COPB1: variants seen among roughly 807,000 people sequenced by gnomAD.
COPB1 encodes coat protein complex I subunit beta 1, also known as coatomer subunit beta.
In COPB1, 21 loss-of-function variants were observed where a neutral mutation model predicts 108.7. The ratio of observed to expected loss-of-function variants is 0.19; its 90% CI spans 0.14 to 0.28. The LOEUF is 0.28. Among genes scored for constraint, COPB1 ranks in the 10% least tolerant of loss-of-function variants. The pLI, the probability that COPB1 is intolerant of heterozygous loss-of-function variation, is 1.00. For missense variants in COPB1, 919 were observed against 1,141.3 expected (o/e 0.81, Z 2.81); for synonymous variants, 378 against 386.8 (o/e 0.98, Z 0.27).
chr11:14,461,616 G>T (rs1354727994), intron 18 of COPB1, among the ~76,000 whole-genome samples: 2 of 152,164 alleles, frequency 1.3e-5, no homozygotes. Flanking sequence ...GTGGGGATAG[G>T]ATTCGAACTC....
At chr11:14,464,262 C>G (rs573668698) in intron 18 of COPB1, among the ~76,000 whole-genome samples, 2 of 152,250 alleles carry the variant, frequency 1.3e-5, no homozygotes, top group African/African-American at 4.8e-5. Flanking sequence ...CAATCCCCCA[C>G]CACTCTGAGA....
chr11:14,461,689 T>C (rs945963336), intron 18 of COPB1, among the ~76,000 whole-genome samples: 1 of 152,222 alleles, frequency 6.6e-6, no homozygotes. Flanking sequence ...TACATAGCAG[T>C]TGCAGCATAC....
chr11:14,467,957 T>C (rs1850319857), intron 16 of COPB1, among the ~76,000 whole-genome samples: 1 of 152,302 alleles, frequency 6.6e-6, no homozygotes, highest in East Asian at 1.9e-4. Context: ...ATGAAAACAG[T>C]CCTGGAGATG....
intron 4 of COPB1, 87 bp downstream of exon 4, chr11:14,493,555 C>G: frequency 9.1e-7 from 1 of 1,097,040 alleles, no homozygotes; most frequent in Non-Finnish European, 1.3e-6. Context: ...AAGCTATATT[C>G]AGTCTGCAAG....
Position 14,465,007 on chromosome 11 carries a change from G to A in COPB1, c.2314C>T (p.Pro772Ser). Residue 772 changes from proline (P) to serine (S), a missense_variant, in exon 18 of 22, where the codon CCG becomes TCG. By Grantham distance (74) the Pro-to-Ser change is moderately conservative (BLOSUM62 -1). Coordinates refer to ENST00000439561, the MANE Select transcript of COPB1 (RefSeq NM_001144061.2). The part of the protein sequence containing the change: ...TLGDLKLVEK[P>S]SPLTLAPHDF... Reference sequence around the variant, plus strand: ...TGAGGAGCAAGAGTCAAAGGAGACGGCTTTTCCACAAGTTTCAGATCCCCT... The same window carrying A: ...TGAGGAGCAAGAGTCAAAGGAGACGACTTTTCCACAAGTTTCAGATCCCCT... 6.2e-7 allele frequency: 1 copy of A among 1,610,432 alleles called. No individual in the cohort carries two copies. The highest frequency in any genetic ancestry group is 8.5e-7 in the Non-Finnish European group (1 of 1,178,336).
intron 16 of COPB1, among the ~76,000 whole-genome samples, chr11:14,466,895 A>G (rs528360023): frequency 9.2e-5 from 14 of 152,296 alleles, no homozygotes; most frequent in African/African-American, 3.4e-4. Flanking sequence ...CTGAGGCACT[A>G]AACAGATTAT....
chr11:14,478,582 T>C (rs754468833), intron 11 of COPB1, among the ~76,000 whole-genome samples: 11 of 151,080 alleles, frequency 7.3e-5, no homozygotes, highest in Non-Finnish European at 1.3e-4. Flanking sequence ...AGTAAAAAAA[T>C]AATAGTAAAG....
chr11:14,481,977 A>G (rs1395703365), intron 8 of COPB1, among the ~76,000 whole-genome samples: 1 of 152,070 alleles, frequency 6.6e-6, no homozygotes, highest in African/African-American at 2.4e-5. Context: ...TAATGGAGAC[A>G]GGGAGGGTTT....
chr11:14,498,866 T>G lies in COPB1; in HGVS notation c.63A>C (p.Pro21=). 1 of 1,608,302 alleles carries G rather than the reference T, an allele frequency of 6.2e-7. No homozygotes were observed. ...GATCATTTTTTAAGCTAATTTCAGA[T>G]GGTGGTTCTGAATCCATTGGCACGT... ...LINVPMDSEP[P]SEISLKNDLE... is the part of the protein sequence containing the mutation. The change falls in exon 2 of 22, where the codon CCA becomes CCC. Residue 21 remains proline (P), a synonymous_variant. Coordinates refer to ENST00000439561, the MANE Select transcript of COPB1 (RefSeq NM_001144061.2).
At chr11:14,474,715 C>T in intron 13 of COPB1, 100 bp from the exon 14 acceptor site, 4 of 1,474,806 alleles carry the variant, frequency 2.7e-6, no homozygotes, top group Non-Finnish European at 3.6e-6. Flanking sequence ...CTCTTATTAC[C>T]ATCCTTCAGT....
intron 7 of COPB1, 94 bp from the exon 8 acceptor site, chr11:14,483,245 CACA>C: frequency 1.5e-6 from 1 of 669,950 alleles, no homozygotes; most frequent in Non-Finnish European, 2.3e-6. Context: ...CACACACACA[CACA>C]CACACACACA....
chr11:14,481,024 G>C lies in COPB1; in HGVS notation c.1031C>G (p.Ala344Gly). Residue 344 changes from alanine (A) to glycine (G), a missense_variant, in exon 9 of 22, where the codon GCA (alanine) becomes GGA (glycine). This residue lies in a region of COPB1 where 705 missense variants were observed against 817.8 expected (regional missense o/e 0.86). Coordinates refer to ENST00000439561, the MANE Select transcript of COPB1 (RefSeq NM_001144061.2). ...ATTTCTAGAAGAGACAAGATCCAGTGCTAACTGCAGAGTTTTCTTTCGTAC... is the reference window on the plus strand; with the variant it reads ...ATTTCTAGAAGAGACAAGATCCAGTCCTAACTGCAGAGTTTTCTTTCGTAC... ...LEVRKKTLQLALDLVSSRNVE... is the reference protein window; with the variant it reads ...LEVRKKTLQLGLDLVSSRNVE... 6.2e-7 allele frequency: 1 copy of C among 1,613,960 alleles called. No individual in the cohort carries two copies. Among genetic ancestry groups the C allele is most frequent in the Non-Finnish European group, 8.5e-7 (1 of 1,179,952 alleles).
intron 7 of COPB1, among the ~76,000 whole-genome samples, chr11:14,485,469 G>A (rs1028751944): frequency 5.7e-4 from 87 of 152,264 alleles, no homozygotes; most frequent in African/African-American, 1.9e-3. Flanking sequence ...GCCCAGCCAC[G>A]CACGTAACTT....
chr11:14,468,982 C>A, intron 15 of COPB1, 122 bp from the exon 16 acceptor site: 1 of 837,590 alleles, frequency 1.2e-6, no homozygotes, highest in Non-Finnish European at 1.9e-6. Flanking sequence ...AGAAAACCCA[C>A]AAAGCACTTT....
At chr11:14,488,158 T>A (rs2034481) in intron 6 of COPB1, among the ~76,000 whole-genome samples, 50,250 of 152,060 alleles carry the variant, frequency 0.33, 9,619 homozygotes, top group African/African-American at 0.53. Context: ...GTCTGATGTA[T>A]GCTCAAGAAA....
intron 6 of COPB1, among the ~76,000 whole-genome samples, chr11:14,487,186 C>T (rs1850791830): frequency 6.6e-6 from 1 of 152,048 alleles, no homozygotes; most frequent in Non-Finnish European, 1.5e-5. Context: ...TAGTAAATAT[C>T]CCTTATTTTT....
chr11:14,480,642 T>C (rs902046175), intron 10 of COPB1, 117 bp downstream of exon 10: 1 of 942,536 alleles, frequency 1.1e-6, no homozygotes, highest in African/African-American at 1.7e-5. Context: ...AGATCACTTC[T>C]CACCATGAGA....
At chr11:14,460,738 G>A (rs544671984) in intron 19 of COPB1, among the ~76,000 whole-genome samples, 4 of 151,964 alleles carry the variant, frequency 2.6e-5, no homozygotes, top group Non-Finnish European at 5.9e-5. Context: ...TCCTGAGCAC[G>A]AGCAATCTGC....
intron 17 of COPB1, among the ~76,000 whole-genome samples, chr11:14,465,462 C>T (rs1015496708): frequency 1.3e-5 from 2 of 152,116 alleles, no homozygotes; most frequent in East Asian, 1.9e-4. Flanking sequence ...CCTCCTGAGT[C>T]GCTGGGACTA....
Sources: gnomAD v4.1 joint callset for allele counts (sites outside exome capture counted in the v4.1 genomes callset) on GRCh38, gnomAD v4.1.1 for gene constraint, gnomAD v4.1.1 regional missense constraint, MANE v1.5 for transcripts, NCBI Gene and HGNC (gene_info 2026-07-23, HGNC 2026-07-21) for gene names.